LRRC4C: variants seen among roughly 807,000 people sequenced by gnomAD.
The protein encoded by LRRC4C is leucine-rich repeat-containing protein 4C.
A neutral mutation model predicts 33.6 loss-of-function variants in LRRC4C; 5 were observed. The observed-to-expected ratio is 0.15, with a 90% CI of 0.08 to 0.31. The LOEUF is 0.31. LRRC4C is among the 10% of genes least tolerant of loss of function. The probability of loss-of-function intolerance (pLI) is 1.00; values close to 1 mark genes in which losing one functional copy is unlikely to be tolerated. For missense variants in LRRC4C, 560 were observed against 796.7 expected, an observed-to-expected ratio of 0.70 and a Z score of 3.58; for synonymous variants, 329 against 302.0, an observed-to-expected ratio of 1.09 and a Z score of -0.93.
At chr11:40,346,957 GATCTGCAGA>G (rs1261210949) in intron 3 of LRRC4C, among the ~76,000 whole-genome samples, 3 of 152,168 alleles carry the variant, frequency 2.0e-5, no homozygotes, top group Non-Finnish European at 4.4e-5. Flanking sequence ...AGGGTCCTAG[GATCTGCAGA>G]ATGGTAAATG....
chr11:41,076,081 A>G (rs1027091597), intron 1 of LRRC4C, among the ~76,000 whole-genome samples: 2 of 152,116 alleles, frequency 1.3e-5, no homozygotes, highest in Non-Finnish European at 2.9e-5. Flanking sequence ...ACTCATCTCC[A>G]TAGATGATCT....
At chr11:41,180,740 C>A (rs1254123214) in intron 1 of LRRC4C, among the ~76,000 whole-genome samples, 1 of 152,090 alleles carries the variant, frequency 6.6e-6, no homozygotes, top group Non-Finnish European at 1.5e-5. Context: ...CAATTTTCCC[C>A]ATTAAACCAC....
chr11:40,558,797 A>G (rs1367104043), intron 3 of LRRC4C, among the ~76,000 whole-genome samples: 1 of 152,072 alleles, frequency 6.6e-6, no homozygotes. Flanking sequence ...AGATTATTTT[A>G]TCACCCAGGT....
At chr11:40,587,876 G>A (rs1958835392) in intron 3 of LRRC4C, among the ~76,000 whole-genome samples, 1 of 152,118 alleles carries the variant, frequency 6.6e-6, no homozygotes, top group Non-Finnish European at 1.5e-5. Flanking sequence ...GATTCGTTTT[G>A]CCACTATTTT....
chr11:40,982,030 C>T (rs2137113236), intron 1 of LRRC4C, among the ~76,000 whole-genome samples: 1 of 152,242 alleles, frequency 6.6e-6, no homozygotes, highest in South Asian at 2.1e-4. Context: ...CTTCTGCATT[C>T]AATCAAATTT....
At chr11:41,231,186 C>A (rs1947775982) in intron 1 of LRRC4C, among the ~76,000 whole-genome samples, 1 of 152,096 alleles carries the variant, frequency 6.6e-6, no homozygotes, top group African/African-American at 2.4e-5. Context: ...CTAGTTCAAC[C>A]ACTGTGGAAG....
chr11:41,435,723 C>A (rs960187806), intron 1 of LRRC4C, among the ~76,000 whole-genome samples: 1 of 152,050 alleles, frequency 6.6e-6, no homozygotes, highest in Non-Finnish European at 1.5e-5. Flanking sequence ...TCATCATTTC[C>A]CAAGTGGGTT....
chr11:40,886,675 T>C (rs1955473553), intron 2 of LRRC4C, among the ~76,000 whole-genome samples: 1 of 151,952 alleles, frequency 6.6e-6, no homozygotes, highest in Admixed American at 6.6e-5. Context: ...GAAATGACTC[T>C]TTAAATACAG....
At chr11:41,403,179 T>C (rs1954090992) in intron 1 of LRRC4C, among the ~76,000 whole-genome samples, 1 of 152,084 alleles carries the variant, frequency 6.6e-6, no homozygotes, top group Non-Finnish European at 1.5e-5. Context: ...GTAAATATTC[T>C]CCCTGAAAAA....
intron 6 of LRRC4C, among the ~76,000 whole-genome samples, chr11:40,134,962 G>A (rs1344495425): frequency 9.2e-5 from 14 of 152,130 alleles, no homozygotes; most frequent in Admixed American, 7.9e-4. Context: ...CTTTAATTGA[G>A]TCTGTGTTTA....
intron 1 of LRRC4C, among the ~76,000 whole-genome samples, chr11:41,020,474 A>C (rs1476006907): frequency 6.6e-6 from 1 of 152,148 alleles, no homozygotes; most frequent in Non-Finnish European, 1.5e-5. Context: ...TAAGTAGAGA[A>C]GACACAGAGA....
intron 1 of LRRC4C, among the ~76,000 whole-genome samples, chr11:41,328,363 CTTTGT>C (rs886262779): frequency 7.9e-5 from 12 of 152,076 alleles, no homozygotes; most frequent in East Asian, 1.9e-4. Flanking sequence ...TTAGCAGAAT[CTTTGT>C]TTTGAGTTTT....
chr11:41,321,907 T>G (rs1484128042), intron 1 of LRRC4C, among the ~76,000 whole-genome samples: 1 of 152,058 alleles, frequency 6.6e-6, no homozygotes, highest in Non-Finnish European at 1.5e-5. Flanking sequence ...TCTTGTCGCC[T>G]GGGCTGGAGT....
At chr11:40,661,277 T>C (rs1943421487) in intron 2 of LRRC4C, among the ~76,000 whole-genome samples, 1 of 151,862 alleles carries the variant, frequency 6.6e-6, no homozygotes, top group Non-Finnish European at 1.5e-5. Flanking sequence ...TTTCTAATGA[T>C]TTGAAACAAA....
chr11:40,253,730 G>A lies in LRRC4C; in HGVS notation c.-175-12132C>T, dbSNP rs189618398. Among the ~76,000 whole-genome samples the A allele has an allele frequency of 4.6e-5, 7 of 152,222 alleles. No homozygotes were observed. In the East Asian group the frequency reaches 1.4e-3, roughly 29 times the overall value. On this transcript the variant is annotated intron_variant, in intron 4 of 6. Transcript: ENST00000528697. ...TTACCTTGGATCCAAATCCTGGCTC[G>A]ACGTAAGCCACCTGAGGGAACCTAT...
At chr11:40,408,406 A>G (rs896155283) in intron 3 of LRRC4C, among the ~76,000 whole-genome samples, 10 of 151,948 alleles carry the variant, frequency 6.6e-5, no homozygotes, top group Admixed American at 2.6e-4. Flanking sequence ...GAAGCAGTTT[A>G]TTTTTATCCT....
intron 2 of LRRC4C, among the ~76,000 whole-genome samples, chr11:40,841,336 T>C (rs990156780): frequency 1.3e-5 from 2 of 152,168 alleles, no homozygotes; most frequent in Non-Finnish European, 2.9e-5. Flanking sequence ...TGGTCAGTGT[T>C]ATGGACTGAA....
At chr11:40,595,597 C>G (rs1959219451) in intron 3 of LRRC4C, among the ~76,000 whole-genome samples, 1 of 152,040 alleles carries the variant, frequency 6.6e-6, no homozygotes, top group South Asian at 2.1e-4. Context: ...GGTGCATCAT[C>G]TTTGTGGTAT....
intron 2 of LRRC4C, among the ~76,000 whole-genome samples, chr11:40,756,014 G>T (rs1385398269): frequency 1.3e-5 from 2 of 151,966 alleles, no homozygotes; most frequent in Non-Finnish European, 2.9e-5. Context: ...TTCCTGATAA[G>T]AAGAAATTTG....
Sources: gnomAD v4.1 joint callset for allele counts (sites outside exome capture counted in the v4.1 genomes callset) on GRCh38, gnomAD v4.1.1 for gene constraint, MANE v1.5 for transcripts, NCBI Gene and HGNC (gene_info 2026-07-23, HGNC 2026-07-21) for gene names.